The following CLVS2 variants were observed in gnomAD, a reference collection of about 807,000 sequenced individuals.
CLVS2 encodes clavesin 2.
CLVS2 carries 19 observed loss-of-function variants against 29.0 expected under a neutral mutation model. That is an observed-to-expected ratio of 0.66 (90% confidence interval 0.46 to 0.96). CLVS2 has a LOEUF of 0.96. CLVS2 is among the 40% of genes least tolerant of loss of function. The pLI, the probability that CLVS2 is intolerant of heterozygous loss-of-function variation, is 0.00. For missense variants in CLVS2, 294 were observed against 404.1 expected (o/e 0.73, Z 2.34); for synonymous variants, 161 against 151.3 (o/e 1.06, Z -0.47).
intron 4 of CLVS2, among the ~76,000 whole-genome samples, chr6:123,053,794 G>A (rs984127775): frequency 6.6e-6 from 1 of 152,130 alleles, no homozygotes; most frequent in Non-Finnish European, 1.5e-5. Flanking sequence ...ATCCAGCAGA[G>A]AGAGGAAATC....
chr6:123,056,988 C>T (rs1008016779), intron 5 of CLVS2, among the ~76,000 whole-genome samples: 26 of 152,114 alleles, frequency 1.7e-4, no homozygotes, highest in African/African-American at 6.3e-4. Flanking sequence ...ATCTTTCAAT[C>T]AATAGTCTGG....
chr6:123,032,712 A>G (rs2114335826), intron 3 of CLVS2, among the ~76,000 whole-genome samples: 1 of 152,140 alleles, frequency 6.6e-6, no homozygotes, highest in South Asian at 2.1e-4. Context: ...TCAAATTTTG[A>G]TCTCTTTCCC....
intron 2 of CLVS2, among the ~76,000 whole-genome samples, chr6:123,009,860 C>T (rs2114306680): frequency 6.6e-6 from 1 of 152,190 alleles, no homozygotes; most frequent in East Asian, 1.9e-4. Flanking sequence ...TCCTTCACTT[C>T]ATTGAACTTA....
At chr6:123,035,354 G>A (rs1282939442) in intron 3 of CLVS2, among the ~76,000 whole-genome samples, 6 of 151,432 alleles carry the variant, frequency 4.0e-5, no homozygotes, top group Admixed American at 2.6e-4. Context: ...ACACATATAA[G>A]ACATGTTCAA....
At chr6:123,012,872 T>C (rs997266976) in intron 3 of CLVS2, among the ~76,000 whole-genome samples, 3 of 151,972 alleles carry the variant, frequency 2.0e-5, no homozygotes, top group African/African-American at 7.2e-5. Context: ...TAATTCCCAA[T>C]TAAGACGCCA....
At chr6:123,002,205 GC>G (rs1774598960) in intron 2 of CLVS2, among the ~76,000 whole-genome samples, 2 of 152,258 alleles carry the variant, frequency 1.3e-5, no homozygotes, top group Admixed American at 1.3e-4. Context: ...GAAAGCACTG[GC>G]CACCTTGCAT....
chr6:123,026,903 C>T (rs1316583684), intron 3 of CLVS2, among the ~76,000 whole-genome samples: 1 of 152,130 alleles, frequency 6.6e-6, no homozygotes, highest in Non-Finnish European at 1.5e-5. Context: ...AAACAATATG[C>T]ATTGTTCTTG....
Position 123,007,331 on chromosome 6 carries a change from G to C in CLVS2, c.390-3654G>C, listed in dbSNP as rs143997390. 2.2e-3 allele frequency among the ~76,000 whole-genome samples: 334 copies of C among 152,224 alleles called. 2 individuals are homozygous for C. The highest frequency in any genetic ancestry group is 7.6e-3 in the African/African-American group (314 of 41,560). The stretch of plus-strand genomic sequence containing the variant: ...AAAGAGAAAAGGGAGACTTAGAAAA[G>C]TTCAGTAACTTCAAGGTGTATGAGA... On this transcript the variant is annotated intron_variant, in intron 2 of 5. Transcript: ENST00000275162.
intron 2 of CLVS2, among the ~76,000 whole-genome samples, chr6:123,000,899 C>T (rs577070496): frequency 8.5e-5 from 13 of 152,212 alleles, no homozygotes; most frequent in African/African-American, 2.9e-4. Context: ...AGAAATGAGG[C>T]GGAAGAAAAT....
In CLVS2 at chr6:123,067,387, T is replaced by C. The variant is rs1772878851; in HGVS notation, c.*3626T>C. The C allele has an allele frequency of 6.6e-6, 1 of 151,732 alleles. No homozygotes were observed. Among genetic ancestry groups the C allele is most frequent in the African/African-American group, 2.4e-5 (1 of 41,404 alleles). The allele number at this position is 151,732 out of a possible 1,614,324, so 9.4% of individuals were successfully genotyped here. ...TCTACAATGTAAAGGTTTATGGACA[T>C]ATCTCTGGTCCTTTAAAGAAGTTAC... On this transcript the variant is annotated 3_prime_UTR_variant, in exon 6 of 6. Transcript: ENST00000275162.
rs1481382001 is a variant in CLVS2 at position 123,011,007 on chromosome 6, C to T, written c.412C>T (p.Arg138Cys). Residue 138 changes from arginine (R) to cysteine (C), a missense_variant, in exon 3 of 6, where the codon CGT becomes TGT. Around this residue, in one of 2 missense-constraint regions of CLVS2, gnomAD observed 212 missense variants for 336.4 expected, o/e 0.63. Coordinates refer to ENST00000275162, the MANE Select transcript of CLVS2 (RefSeq NM_001010852.4). ...TAGGTACACACTGGTGGATATTTTG[C>T]GTGCCATCTTACTTTCTTTAGAAGC... ...QSRYTLVDIL[R>C]AILLSLEAMI... 2 of 1,600,694 alleles carry T rather than the reference C, an allele frequency of 1.2e-6. No homozygotes were observed. Among genetic ancestry groups the T allele is most frequent in the Non-Finnish European group, 1.7e-6 (2 of 1,172,856 alleles).
intron 5 of CLVS2, among the ~76,000 whole-genome samples, chr6:123,058,724 C>T (rs1340353949): frequency 6.6e-6 from 1 of 152,108 alleles, no homozygotes. Flanking sequence ...GATCATGGCT[C>T]ACTGCAGCCT....
rs1437488444 is a variant in CLVS2, at chr6:122,996,616, T to A, written c.-690T>A. 6.5e-6 allele frequency: 1 copy of A among 154,784 alleles called. No homozygotes were observed. The highest frequency in any genetic ancestry group is 1.5e-5 in the Non-Finnish European group (1 of 68,166). The allele number at this position is 154,784 out of a possible 1,614,324, so 9.6% of individuals were successfully genotyped here. On this transcript the variant is annotated 5_prime_UTR_variant, in exon 1 of 6. Transcript: ENST00000275162. Reference sequence around the variant, plus strand: ...CGGCCCGGGTCCCCGCCGCCACCCCTCTTCTCTGCTCCTTCCATCCCGCCC... The same window carrying A: ...CGGCCCGGGTCCCCGCCGCCACCCCACTTCTCTGCTCCTTCCATCCCGCCC...
At position 123,071,663 on chromosome 6, in the gene CLVS2, G is replaced by T. The variant is rs1400769905; in HGVS notation, c.*7902G>T. The stretch of plus-strand genomic sequence containing the variant: ...ATGTAGTTACTTTTAATGGAAAGGG[G>T]AAGAAGAGGAAGAAAAAGGAAAGAC... On this transcript the variant is annotated 3_prime_UTR_variant, in exon 6 of 6. Coordinates refer to ENST00000275162, the MANE Select transcript of CLVS2 (RefSeq NM_001010852.4). 1 of 152,000 alleles carries T rather than the reference G, an allele frequency of 6.6e-6. No individual in the cohort carries two copies. The highest frequency in any genetic ancestry group is 1.5e-5 in the Non-Finnish European group (1 of 67,928). The allele number at this position is 152,000 out of a possible 1,614,324, so 9.4% of individuals were successfully genotyped here. A position where few individuals can be genotyped will look rare whatever the true frequency, so the allele number is the denominator to read the frequency against.
chr6:123,005,343 T>C (rs1006005550), intron 2 of CLVS2, among the ~76,000 whole-genome samples: 1 of 152,138 alleles, frequency 6.6e-6, no homozygotes, highest in African/African-American at 2.4e-5. Context: ...GTAATTTTTC[T>C]CCTTTTTTCC....
chr6:123,072,784 C>T lies in CLVS2; in HGVS notation c.*9023C>T, dbSNP rs1772969622. 6.6e-6 allele frequency: 1 copy of T among 152,124 alleles called. No homozygotes were observed. Among genetic ancestry groups the T allele is most frequent in the Admixed American group, 6.6e-5 (1 of 15,264 alleles). The allele number at this position is 152,124 out of a possible 1,614,324, so 9.4% of individuals were successfully genotyped here. Reference sequence around the variant, plus strand: ...CTTTATAATGGATTTAACAATTTTACAAAGCAGATCATTGTTTATTATATT... The same window carrying T: ...CTTTATAATGGATTTAACAATTTTATAAAGCAGATCATTGTTTATTATATT... On this transcript the variant is annotated 3_prime_UTR_variant, in exon 6 of 6. Transcript: ENST00000275162.
rs569679500 is a variant in CLVS2, at chr6:123,055,699, C to T, written c.676-107C>T. 2.4e-4 allele frequency: 184 copies of T among 771,678 alleles called. No homozygotes were observed. The South Asian group carries it at 2.6e-3, about 11-fold the overall frequency. 47.8% of individuals were successfully genotyped at this position (771,678 alleles called of 1,614,324 possible). On this transcript the variant is annotated intron_variant, in intron 4 of 5. Transcript: ENST00000275162. ...TGGCTAAAGTACTTTAACAGACATGCGAAACTCATATTTGCTATTGCTATC... is the reference window on the plus strand; with the variant it reads ...TGGCTAAAGTACTTTAACAGACATGTGAAACTCATATTTGCTATTGCTATC...
intron 3 of CLVS2, among the ~76,000 whole-genome samples, chr6:123,044,263 G>A (rs1186653138): frequency 6.6e-6 from 1 of 152,166 alleles, no homozygotes; most frequent in East Asian, 1.9e-4. Flanking sequence ...TGTATATTGT[G>A]ATTTTTATTA....
At chr6:123,037,709 A>C (rs1218232475) in intron 3 of CLVS2, among the ~76,000 whole-genome samples, 1 of 152,114 alleles carries the variant, frequency 6.6e-6, no homozygotes, top group Non-Finnish European at 1.5e-5. Context: ...TCTGTCTCAC[A>C]CATTACTTAG....
Sources: gnomAD v4.1 joint callset for allele counts (sites outside exome capture counted in the v4.1 genomes callset) on GRCh38, gnomAD v4.1.1 for gene constraint, gnomAD v4.1.1 regional missense constraint, MANE v1.5 for transcripts, NCBI Gene and HGNC (gene_info 2026-07-23, HGNC 2026-07-21) for gene names.